The following PJA2 variants were observed in gnomAD, a reference collection of about 807,000 sequenced individuals.
PJA2 encodes praja ring finger ubiquitin ligase 2, also known as E3 ubiquitin-protein ligase Praja-2.
A neutral mutation model predicts 69.3 loss-of-function variants in PJA2; 25 were observed. The observed-to-expected ratio is 0.36, with a 90% CI of 0.26 to 0.50. PJA2 has a LOEUF of 0.50. PJA2 is among the 20% of genes least tolerant of loss of function. The probability of loss-of-function intolerance (pLI) is 0.96; values close to 1 mark genes in which losing one functional copy is unlikely to be tolerated. For missense variants in PJA2, 809 were observed against 830.2 expected, an observed-to-expected ratio of 0.97 and a Z score of 0.31; for synonymous variants, 308 against 277.8, an observed-to-expected ratio of 1.11 and a Z score of -1.08.
intron 6 of PJA2, 26 bp downstream of exon 6, chr5:109,362,814 C>A: frequency 6.5e-7 from 1 of 1,544,374 alleles, no homozygotes; most frequent in South Asian, 1.2e-5. Flanking sequence ...CCTAATTAAG[C>A]ATCCTAATAA....
chr5:109,361,750 A>ATT (rs1762509808), intron 6 of PJA2, among the ~76,000 whole-genome samples: 1 of 152,240 alleles, frequency 6.6e-6, no homozygotes, highest in Admixed American at 6.5e-5. Context: ...AGAAATACAA[A>ATT]TTGCATGGCT....
intron 6 of PJA2, among the ~76,000 whole-genome samples, chr5:109,360,096 G>A (rs1200332470): frequency 6.6e-6 from 1 of 152,144 alleles, no homozygotes; most frequent in Non-Finnish European, 1.5e-5. Context: ...CCATTTTTCT[G>A]TAAGTATAAA....
At chr5:109,342,196 TGG>T (rs1303537282) in intron 9 of PJA2, among the ~76,000 whole-genome samples, 2 of 18,714 alleles carry the variant, frequency 1.1e-4, no homozygotes, top group Admixed American at 5.7e-4. Context: ...GGGAGGGAGG[TGG>T]GGGGGGGTCA....
At chr5:109,365,379 C>T (rs182646832) in intron 5 of PJA2, among the ~76,000 whole-genome samples, 48 of 152,180 alleles carry the variant, frequency 3.2e-4, no homozygotes, top group Middle Eastern at 3.4e-3. Context: ...GATCTATAAA[C>T]AAAACAAATA....
intron 7 of PJA2, among the ~76,000 whole-genome samples, chr5:109,348,649 A>C (rs1258469016): frequency 6.6e-6 from 1 of 152,182 alleles, no homozygotes; most frequent in South Asian, 2.1e-4. Context: ...GCCCAACAGT[A>C]AAGTTACCAG....
At chr5:109,352,252 CTT>C (rs933328929) in intron 7 of PJA2, among the ~76,000 whole-genome samples, 1 of 152,166 alleles carries the variant, frequency 6.6e-6, no homozygotes, top group African/African-American at 2.4e-5. Flanking sequence ...CTCTCTGGCT[CTT>C]CTTTCAAGAT....
At chr5:109,345,058 C>G (rs71592792) in intron 7 of PJA2, among the ~76,000 whole-genome samples, 2 of 151,584 alleles carry the variant, frequency 1.3e-5, no homozygotes, top group African/African-American at 2.4e-5. Context: ...TATACCTTGT[C>G]TCGGCCGGGC....
chr5:109,342,105 G>C (rs1446317189), intron 9 of PJA2, among the ~76,000 whole-genome samples: 6 of 126,600 alleles, frequency 4.7e-5, no homozygotes, highest in Admixed American at 4.4e-4. Context: ...AGGTGGGGAT[G>C]TCGGCCCCCC....
chr5:109,373,353 C>T (rs944018873), intron 4 of PJA2, among the ~76,000 whole-genome samples: 4 of 152,030 alleles, frequency 2.6e-5, no homozygotes, highest in Non-Finnish European at 5.9e-5. Flanking sequence ...TAACTAGAGG[C>T]ACAGAATGAG....
intron 7 of PJA2, among the ~76,000 whole-genome samples, chr5:109,353,775 TAG>T (rs1437588598): frequency 3.6e-5 from 5 of 140,524 alleles, no homozygotes; most frequent in Admixed American, 1.4e-4. Context: ...GAGATATCTA[TAG>T]ATTAGATGTC....
At chr5:109,337,815 G>A (rs1198188811) in intron 9 of PJA2, among the ~76,000 whole-genome samples, 1 of 151,910 alleles carries the variant, frequency 6.6e-6, no homozygotes, top group Non-Finnish European at 1.5e-5. Flanking sequence ...GATTTGGTGT[G>A]AATTAAAGAA....
At chr5:109,408,674 A>G (rs1366618) in intron 1 of PJA2, among the ~76,000 whole-genome samples, 7,638 of 152,354 alleles carry the variant, frequency 0.05, 206 homozygotes, top group African/African-American at 0.072. Context: ...TTTACCTAAC[A>G]GTCCGTTATT....
chr5:109,387,200 TTC>T (rs1486424469), intron 1 of PJA2, among the ~76,000 whole-genome samples: 1 of 152,190 alleles, frequency 6.6e-6, no homozygotes, highest in Non-Finnish European at 1.5e-5. Flanking sequence ...TACTTTCTTA[TTC>T]TGTGATTATT....
chr5:109,368,441 G>A (rs1412580769), intron 5 of PJA2, 120 bp downstream of exon 5: 7 of 747,772 alleles, frequency 9.4e-6, no homozygotes, highest in African/African-American at 1.8e-5. Flanking sequence ...AAAAATCAGG[G>A]GGGCCTACTG....
At chr5:109,366,672 T>A (rs1364223139) in intron 5 of PJA2, among the ~76,000 whole-genome samples, 1 of 115,872 alleles carries the variant, frequency 8.6e-6, no homozygotes, top group Non-Finnish European at 2.3e-5. Flanking sequence ...CATGAAGGAA[T>A]GTTATTTGTC....
intron 1 of PJA2, among the ~76,000 whole-genome samples, chr5:109,392,924 C>T (rs77206657): frequency 0.033 from 4,621 of 139,332 alleles, 91 homozygotes; most frequent in Middle Eastern, 0.051. Flanking sequence ...GAAATCTTTA[C>T]AATGTTGGAG....
At chr5:109,398,418 C>T (rs1353460803) in intron 1 of PJA2, among the ~76,000 whole-genome samples, 1 of 152,048 alleles carries the variant, frequency 6.6e-6, no homozygotes, top group African/African-American at 2.4e-5. Flanking sequence ...AAATGTGGCA[C>T]ATATACACCA....
chr5:109,345,513 C>CAA (rs531364060), intron 7 of PJA2, among the ~76,000 whole-genome samples: 41,670 of 91,710 alleles, frequency 0.45, 10,401 homozygotes, highest in Non-Finnish European at 0.58. Context: ...GACTCTGTCT[C>CAA]AAAAAAAAAA....
chr5:109,342,437 C>G (rs1762087416), intron 9 of PJA2, among the ~76,000 whole-genome samples: 2 of 139,740 alleles, frequency 1.4e-5, no homozygotes, highest in African/African-American at 2.7e-5. Context: ...GGATGTCGGC[C>G]CCCCGCCCGG....
Sources: gnomAD v4.1 joint callset for allele counts (sites outside exome capture counted in the v4.1 genomes callset) on GRCh38, gnomAD v4.1.1 for gene constraint, MANE v1.5 for transcripts, NCBI Gene and HGNC (gene_info 2026-07-23, HGNC 2026-07-21) for gene names.